Variants in KCTD16 observed in about 807,000 individuals in gnomAD.
The protein encoded by KCTD16 is potassium channel tetramerization domain containing 16.
A neutral mutation model predicts 33.2 loss-of-function variants in KCTD16; 13 were observed. That is an observed-to-expected ratio of 0.39 (90% CI 0.25 to 0.62). KCTD16 has a LOEUF of 0.62. Ranked by LOEUF, KCTD16 falls within the 20% of genes least tolerant of loss-of-function variation. KCTD16 has a pLI of 0.50. For synonymous variants in KCTD16, 197 were observed against 195.3 expected (o/e 1.01, Z -0.07); for missense variants, 441 against 525.1 (o/e 0.84, Z 1.57).
At chr5:144,392,903 T>C (rs1231330914) in intron 3 of KCTD16, among the ~76,000 whole-genome samples, 1 of 152,144 alleles carries the variant, frequency 6.6e-6, no homozygotes, top group Non-Finnish European at 1.5e-5. Context: ...GCATTAGATA[T>C]GGCATAAGAA....
At chr5:144,171,577 A>G (rs1020761935) in intron 1 of KCTD16, among the ~76,000 whole-genome samples, 2 of 152,224 alleles carry the variant, frequency 1.3e-5, no homozygotes, top group Non-Finnish European at 2.9e-5. Flanking sequence ...CCAACCAACC[A>G]CCACCACCAT....
chr5:144,383,643 T>G (rs926056474), intron 3 of KCTD16, among the ~76,000 whole-genome samples: 2 of 152,278 alleles, frequency 1.3e-5, no homozygotes, highest in Non-Finnish European at 2.9e-5. Context: ...GGAGATTTTT[T>G]TTTTTCTTTT....
At chr5:144,179,908 G>A (rs1184717918) in intron 2 of KCTD16, among the ~76,000 whole-genome samples, 1 of 152,230 alleles carries the variant, frequency 6.6e-6, no homozygotes, top group Admixed American at 6.5e-5. Flanking sequence ...CAGATTCTGT[G>A]TCTGTCTATG....
chr5:144,261,291 A>G (rs930804585), intron 3 of KCTD16, among the ~76,000 whole-genome samples: 1 of 152,182 alleles, frequency 6.6e-6, no homozygotes, highest in African/African-American at 2.4e-5. Context: ...TTAAAGGAAA[A>G]TAATTACCAG....
intron 3 of KCTD16, among the ~76,000 whole-genome samples, chr5:144,469,356 A>T (rs533334329): frequency 6.6e-6 from 1 of 152,298 alleles, no homozygotes; most frequent in African/African-American, 2.4e-5. Flanking sequence ...TACTGAATAC[A>T]CATTTTCCTG....
At chr5:144,235,649 C>T (rs1417693326) in intron 3 of KCTD16, among the ~76,000 whole-genome samples, 2 of 151,924 alleles carry the variant, frequency 1.3e-5, no homozygotes, top group South Asian at 2.1e-4. Flanking sequence ...TAAATATTAC[C>T]TTTTATTATT....
At chr5:144,380,340 A>T (rs1293908751) in intron 3 of KCTD16, among the ~76,000 whole-genome samples, 1 of 152,188 alleles carries the variant, frequency 6.6e-6, no homozygotes, top group Non-Finnish European at 1.5e-5. Flanking sequence ...AAAACCAGAG[A>T]CAGCACAAAC....
At position 144,464,708 on chromosome 5, in the gene KCTD16, CTCT is replaced by C. The variant is rs3078472; in HGVS notation, c.833-8937_833-8935del. ...CCTCTTACTCCTCTTCTTCCTCCTC[CTCT>C]TCTTCTTCTTCTTCCTATTCCTCTT... On this transcript the variant is annotated intron_variant, in intron 3 of 3. Coordinates refer to ENST00000512467, the MANE Select transcript of KCTD16 (RefSeq NM_020768.4). Among the ~76,000 whole-genome samples, 537 of 150,750 alleles carry C rather than the reference CTCT, an allele frequency of 3.6e-3. 2 individuals are homozygous for C. Among genetic ancestry groups the C allele is most frequent in the East Asian group, 0.011 (54 of 5,052 alleles).
Position 144,384,621 on chromosome 5 carries a change from A to G in KCTD16, c.833-89039A>G, listed in dbSNP as rs374615866. On this transcript the variant is annotated intron_variant, in intron 3 of 3. Coordinates refer to ENST00000512467, the MANE Select transcript of KCTD16 (RefSeq NM_020768.4). Reference sequence around the variant, plus strand: ...ACCATTTTAAAACAAAATATAGTAAACATAATTTAACCTCTTTCTGATGAC... The same window carrying G: ...ACCATTTTAAAACAAAATATAGTAAGCATAATTTAACCTCTTTCTGATGAC... Among the ~76,000 whole-genome samples, 340 of 152,330 alleles carry G rather than the reference A, an allele frequency of 2.2e-3. 3 individuals carry two copies. The highest frequency in any genetic ancestry group is 7.7e-3 in the African/African-American group (322 of 41,574).
chr5:144,237,272 C>A (rs1754280288), intron 3 of KCTD16, among the ~76,000 whole-genome samples: 1 of 152,022 alleles, frequency 6.6e-6, no homozygotes, highest in Non-Finnish European at 1.5e-5. Context: ...TTTCTCATCC[C>A]ATTAAAGAAC....
At chr5:144,348,142 C>A (rs1752854170) in intron 3 of KCTD16, among the ~76,000 whole-genome samples, 2 of 152,144 alleles carry the variant, frequency 1.3e-5, no homozygotes, top group African/African-American at 2.4e-5. Flanking sequence ...CCTCCTTCAC[C>A]CAATTTGTGT....
At chr5:144,250,864 G>A (rs1026108487) in intron 3 of KCTD16, among the ~76,000 whole-genome samples, 1 of 152,114 alleles carries the variant, frequency 6.6e-6, no homozygotes, top group South Asian at 2.1e-4. Context: ...TTGCATTCAT[G>A]ATATATTTAT....
intron 3 of KCTD16, 64 bp downstream of exon 3, chr5:144,207,610 C>T: frequency 1.7e-6 from 2 of 1,162,598 alleles, no homozygotes; most frequent in East Asian, 2.4e-5. Flanking sequence ...TGTATATGGT[C>T]TGTGTGTTCT....
intron 3 of KCTD16, among the ~76,000 whole-genome samples, chr5:144,247,449 A>G (rs1025488315): frequency 1.3e-5 from 2 of 152,312 alleles, no homozygotes; most frequent in Admixed American, 1.3e-4. Flanking sequence ...GGAGAGACCT[A>G]TAGATGATTT....
intron 3 of KCTD16, among the ~76,000 whole-genome samples, chr5:144,427,675 T>C (rs1753361890): frequency 2.0e-5 from 3 of 152,100 alleles, no homozygotes. Flanking sequence ...GAGATGATGA[T>C]TTAATTGGTA....
intron 3 of KCTD16, among the ~76,000 whole-genome samples, chr5:144,207,857 A>G (rs1247804305): frequency 6.6e-6 from 1 of 152,210 alleles, no homozygotes; most frequent in Non-Finnish European, 1.5e-5. Context: ...AATTGAGAAA[A>G]TAAGGTTGAT....
At chr5:144,419,474 T>C (rs1464421520) in intron 3 of KCTD16, among the ~76,000 whole-genome samples, 1 of 152,180 alleles carries the variant, frequency 6.6e-6, no homozygotes, top group Non-Finnish European at 1.5e-5. Flanking sequence ...CTCAATCATA[T>C]TTCTCTGTGT....
chr5:144,459,523 T>C (rs1198936149), intron 3 of KCTD16, among the ~76,000 whole-genome samples: 1 of 151,994 alleles, frequency 6.6e-6, no homozygotes, highest in East Asian at 1.9e-4. Flanking sequence ...CTGATTTCTG[T>C]ATTTTTAGTA....
rs1336557933 is a variant in KCTD16 at position 144,475,232 on chromosome 5, T to TA, written c.*1120dup. The TA allele has an allele frequency of 1.4e-4, 22 of 152,344 alleles. No individual in the cohort carries two copies. The highest frequency in any genetic ancestry group is 5.3e-4 in the African/African-American group (22 of 41,586). The allele number at this position is 152,344 out of a possible 1,614,324, so 9.4% of individuals were successfully genotyped here. A position where few individuals can be genotyped will look rare whatever the true frequency, so the allele number is the denominator to read the frequency against. ...AGAAAGTTGTATTCCACACACAACC[T>TA]AATAATTTCTTATAAAAATTTTAAA... On this transcript the variant is annotated 3_prime_UTR_variant, in exon 4 of 4. Coordinates refer to ENST00000512467, the MANE Select transcript of KCTD16 (RefSeq NM_020768.4).
Sources: gnomAD v4.1 joint callset for allele counts (sites outside exome capture counted in the v4.1 genomes callset) on GRCh38, gnomAD v4.1.1 for gene constraint, MANE v1.5 for transcripts, NCBI Gene and HGNC (gene_info 2026-07-23, HGNC 2026-07-21) for gene names.